DAPK1: variants seen among roughly 807,000 people sequenced by gnomAD.
The protein encoded by DAPK1 is death associated protein kinase 1, also known as death-associated protein kinase 1.
A neutral mutation model predicts 144.9 loss-of-function variants in DAPK1; 56 were observed. The ratio of observed to expected loss-of-function variants is 0.39; its 90% CI spans 0.31 to 0.48. The LOEUF (loss-of-function observed/expected upper bound fraction) is 0.48, where lower values mean the gene tolerates loss of function less well. Ranked by LOEUF, DAPK1 falls within the 20% of genes least tolerant of loss-of-function variation. DAPK1 has a pLI of 0.95. For synonymous variants in DAPK1, 690 were observed against 749.0 expected, an observed-to-expected ratio of 0.92 and a Z score of 1.29; for missense variants, 1,454 against 1,875.4, an observed-to-expected ratio of 0.78 and a Z score of 4.15.
rs569339922 is a variant in DAPK1, at chr9:87,499,101, C to T, written c.24C>T (p.Asn8=). 1.1e-4 allele frequency: 180 copies of T among 1,613,956 alleles called. No homozygotes were observed. The highest frequency in any genetic ancestry group is 1.2e-4 in the Non-Finnish European group (145 of 1,179,972). Residue 8 remains asparagine, a synonymous_variant, in exon 2 of 26, where the codon AAC becomes AAT. Transcript: ENST00000408954. The part of the protein sequence containing the change: MTVFRQE[N]VDDYYDTGEE... ...TCATGACCGTGTTCAGGCAGGAAAA[C>T]GTGGATGATTACTACGACACCGGCG...
intron 18 of DAPK1, among the ~76,000 whole-genome samples, chr9:87,665,044 C>T (rs568967880): frequency 6.6e-6 from 1 of 152,170 alleles, no homozygotes; most frequent in Admixed American, 6.5e-5. Context: ...GGTTTTGACT[C>T]GAGCTTCACC....
chr9:87,647,020 A>G (rs1028066535), intron 13 of DAPK1, among the ~76,000 whole-genome samples: 2 of 152,228 alleles, frequency 1.3e-5, no homozygotes, highest in African/African-American at 4.8e-5. Context: ...TTTATAAGCA[A>G]TTGTTTATTT....
intron 2 of DAPK1, among the ~76,000 whole-genome samples, chr9:87,577,212 C>T (rs1408211494): frequency 6.6e-6 from 1 of 152,188 alleles, no homozygotes; most frequent in Admixed American, 6.5e-5. Flanking sequence ...GCATCATTTT[C>T]ATCATCGCCT....
chr9:87,552,754 G>A (rs1826542924), intron 2 of DAPK1, among the ~76,000 whole-genome samples: 3 of 122,572 alleles, frequency 2.4e-5, no homozygotes, highest in Admixed American at 8.1e-5. Context: ...ACTGTACCCC[G>A]TTAATTTTTT....
intron 2 of DAPK1, among the ~76,000 whole-genome samples, chr9:87,528,343 G>A (rs934166356): frequency 7.3e-5 from 11 of 151,594 alleles, no homozygotes; most frequent in Non-Finnish European, 1.3e-4. Context: ...TCAGCCTTCC[G>A]AGTAGCTGGG....
At chr9:87,641,710 A>C (rs1830100891) in intron 9 of DAPK1, among the ~76,000 whole-genome samples, 1 of 152,160 alleles carries the variant, frequency 6.6e-6, no homozygotes, top group African/African-American at 2.4e-5. Flanking sequence ...CCAAACTATC[A>C]GTGTGGAAAG....
At chr9:87,623,012 A>G (rs1160488920) in intron 3 of DAPK1, among the ~76,000 whole-genome samples, 2 of 152,158 alleles carry the variant, frequency 1.3e-5, no homozygotes, top group Non-Finnish European at 2.9e-5. Context: ...CTGCCACTCA[A>G]TCATTTGGCC....
chr9:87,672,140 C>T (rs1017867490), intron 19 of DAPK1, among the ~76,000 whole-genome samples: 1 of 152,148 alleles, frequency 6.6e-6, no homozygotes, highest in Non-Finnish European at 1.5e-5. Flanking sequence ...CAGTAAGCAC[C>T]ACGTGTTTCC....
At chr9:87,502,590 A>C (rs1232955285) in intron 2 of DAPK1, among the ~76,000 whole-genome samples, 1 of 152,070 alleles carries the variant, frequency 6.6e-6, no homozygotes, top group Non-Finnish European at 1.5e-5. Flanking sequence ...CTCTGTGTAC[A>C]CTGCTTTCCT....
chr9:87,644,124 A>G (rs901527302), intron 11 of DAPK1, among the ~76,000 whole-genome samples: 8 of 152,158 alleles, frequency 5.3e-5, no homozygotes, highest in African/African-American at 1.9e-4. Context: ...AGATTTATCA[A>G]ATTTGTTGTT....
At chr9:87,636,215 A>G (rs1313602352) in intron 3 of DAPK1, among the ~76,000 whole-genome samples, 5 of 152,146 alleles carry the variant, frequency 3.3e-5, no homozygotes, top group African/African-American at 4.8e-5. Flanking sequence ...GGCAGGGTCC[A>G]TGTAGGACAC....
At chr9:87,529,253 C>G (rs1825625897) in intron 2 of DAPK1, among the ~76,000 whole-genome samples, 1 of 152,202 alleles carries the variant, frequency 6.6e-6, no homozygotes. Context: ...AATAAGCTTT[C>G]ACTCCTGCTC....
chr9:87,655,642 CTA>C lies in DAPK1; in HGVS notation c.1825-2385_1825-2384del, dbSNP rs1830605235. Among the ~76,000 whole-genome samples the C allele has an allele frequency of 2.6e-5, 4 of 152,300 alleles. No individual in the cohort carries two copies. The South Asian group carries it at 8.3e-4, about 32-fold the overall frequency. ...ACCAGTATGTGACAGGACCTCATGG[CTA>C]TGTTTGACGCTAATGCAGTGAAACA... is the stretch of plus-strand genomic sequence containing the variant. On this transcript the variant is annotated intron_variant, in intron 17 of 25. Coordinates refer to ENST00000408954, the MANE Select transcript of DAPK1 (RefSeq NM_004938.4).
intron 2 of DAPK1, among the ~76,000 whole-genome samples, chr9:87,542,304 A>G (rs1287638812): frequency 6.6e-6 from 1 of 152,248 alleles, no homozygotes; most frequent in African/African-American, 2.4e-5. Flanking sequence ...TGCTTCTTAT[A>G]GATCATCTCT....
In DAPK1 at chr9:87,651,742, G is replaced by C; in HGVS notation, c.1824+18G>C. 1 of 1,609,928 alleles carries C rather than the reference G, an allele frequency of 6.2e-7. No individual in the cohort carries two copies. The highest frequency in any genetic ancestry group is 8.5e-7 in the Non-Finnish European group (1 of 1,177,094). On this transcript the variant is annotated intron_variant, in intron 17 of 25. Transcript: ENST00000408954. The stretch of plus-strand genomic sequence containing the variant: ...CCAACAAGGTATGCACAGAGAACAG[G>C]ATCCCTACAGCTTCCAACTGTGTCC...
rs1276428726 is a variant in DAPK1 at position 87,681,437 on chromosome 9, C to T, written c.2035C>T (p.Arg679Ter). ...CCGAGGACTCTTCATCCAGCAGCTC[C>T]GACCCACACAGAACCTGCAGCCAAG... Reference protein sequence around the residue: ...THRGLFIQQLRPTQNLQPRIK... With the variant: ...THRGLFIQQL The change falls in exon 20 of 26, where the codon CGA (arginine) becomes TGA (stop). Residue 679 changes from arginine (R) to a stop codon, truncating the protein, a stop_gained. Transcript: ENST00000408954. LOFTEE classifies it high-confidence loss of function. 2 of 1,612,930 alleles carry T rather than the reference C, an allele frequency of 1.2e-6. No homozygotes were observed. Among genetic ancestry groups the T allele is most frequent in the Non-Finnish European group, 1.7e-6 (2 of 1,178,920 alleles).
At chr9:87,648,093 G>A (rs1356669131) in intron 14 of DAPK1, among the ~76,000 whole-genome samples, 2 of 152,222 alleles carry the variant, frequency 1.3e-5, no homozygotes, top group African/African-American at 2.4e-5. Flanking sequence ...TGCATGGGTT[G>A]TGCACTGCAC....
At chr9:87,578,706 A>G (rs1827646131) in intron 2 of DAPK1, among the ~76,000 whole-genome samples, 1 of 152,382 alleles carries the variant, frequency 6.6e-6, no homozygotes, top group South Asian at 2.1e-4. Context: ...GCCACTTTGC[A>G]GAGCCAAGTG....
intron 24 of DAPK1, chr9:87,701,705 G>T (rs1825460490): frequency 3.1e-6 from 1 of 322,282 alleles, no homozygotes; most frequent in African/African-American, 2.2e-5. Flanking sequence ...TACCTTTGAA[G>T]CTGCCTCTGG....
Sources: allele counts gnomAD v4.1 joint callset (sites outside exome capture counted in the v4.1 genomes callset), GRCh38; gene constraint gnomAD v4.1.1; transcripts MANE v1.5; gene names NCBI Gene and HGNC (gene_info 2026-07-23, HGNC 2026-07-21).